The following MAP3K11 variants were observed in gnomAD, a reference collection of about 807,000 sequenced individuals.
MAP3K11 encodes SH3 domain-containing proline-rich kinase.
In MAP3K11, 46 loss-of-function variants were observed where a neutral mutation model predicts 84.9. That is an observed-to-expected ratio of 0.54 (90% confidence interval 0.43 to 0.69). MAP3K11 has a LOEUF of 0.69. MAP3K11 is among the 30% of genes least tolerant of loss of function. MAP3K11 has a pLI of 0.00. For missense variants in MAP3K11, 1,053 were observed against 1,198.3 expected, an observed-to-expected ratio of 0.88 and a Z score of 1.79; for synonymous variants, 527 against 514.7, an observed-to-expected ratio of 1.02 and a Z score of -0.32.
Position 65,599,673 on chromosome 11 carries a change from G to A in MAP3K11, c.1927C>T (p.Arg643Trp), listed in dbSNP as rs771511538. ...AGGGCGGTGCCGCGCAGCAGCGCCC[G>A]CTGGATCAGCTTGGGCGTCCCAGAG... ...SSSGTPKLIQ[R>W]ALLRGTALLA... Residue 643 changes from arginine (R) to tryptophan (W), a missense_variant, in exon 9 of 10, where the codon CGG (arginine) becomes TGG (tryptophan). Coordinates refer to ENST00000309100, the MANE Select transcript of MAP3K11 (RefSeq NM_002419.4). 3.9e-6 allele frequency: 6 copies of A among 1,555,164 alleles called. No individual in the cohort carries two copies. The highest frequency in any genetic ancestry group is 2.4e-5 in the East Asian group (1 of 42,202).
Position 65,598,638 on chromosome 11 carries a change from T to C in MAP3K11, c.2207-10A>G. Reference sequence around the variant, plus strand: ...GGTGAGACAGTGCCTCCTGTGAGGATATAGGAGGGGCACAGGGTCAAGCAA... The same window carrying C: ...GGTGAGACAGTGCCTCCTGTGAGGACATAGGAGGGGCACAGGGTCAAGCAA... On this transcript the variant is annotated splice_polypyrimidine_tract_variant and intron_variant, in intron 9 of 9. Coordinates refer to ENST00000309100, the MANE Select transcript of MAP3K11 (RefSeq NM_002419.4). 1 of 1,478,884 alleles carries C rather than the reference T, an allele frequency of 6.8e-7. No homozygotes were observed. Among genetic ancestry groups the C allele is most frequent in the Non-Finnish European group, 9.0e-7 (1 of 1,106,482 alleles). The allele number at this position is 1,478,884 out of a possible 1,614,324, so 91.6% of individuals were successfully genotyped here. A position where few individuals can be genotyped will look rare whatever the true frequency, so the allele number is the denominator to read the frequency against.
intron 6 of MAP3K11, 162 bp from the exon 7 acceptor site, chr11:65,606,243 A>C (rs1854506466): frequency 1.4e-6 from 1 of 721,404 alleles, no homozygotes; most frequent in Admixed American, 3.8e-5. Context: ...CTTGGGGCCA[A>C]CAGTGGGGTG....
chr11:65,608,619 C>CTTT, intron 1 of MAP3K11, 171 bp from the exon 2 acceptor site: 11 of 499,098 alleles, frequency 2.2e-5, no homozygotes, highest in South Asian at 5.2e-5. Flanking sequence ...TTTTCTTTTC[C>CTTT]TTTTTTTTTT....
At position 65,608,004 on chromosome 11, in the gene MAP3K11, A is replaced by G. The variant is rs1294375197; in HGVS notation, c.987T>C (p.Ala329=). The G allele has an allele frequency of 1.9e-6, 3 of 1,614,102 alleles. No homozygotes were observed. The African/African-American group carries it at 4.0e-5, about 22-fold the overall frequency. The stretch of plus-strand genomic sequence containing the variant: ...TGTTAACAGCTACGCCATAGGCCAC[A>G]GCAAGGCAGTCAATGCCACGGTATG... ...EVPYRGIDCL[A]VAYGVAVNKL... Residue 329 remains alanine, a synonymous_variant, in exon 3 of 10, where the codon GCT becomes GCC. Coordinates refer to ENST00000309100, the MANE Select transcript of MAP3K11 (RefSeq NM_002419.4).
intron 2 of MAP3K11, 73 bp downstream of exon 2, chr11:65,608,195 C>A (rs530869395): frequency 1.9e-6 from 3 of 1,590,810 alleles, no homozygotes; most frequent in African/African-American, 1.3e-5. Flanking sequence ...CTTGGCCCAG[C>A]CCTAGATTTA....
rs773986232 is a variant in MAP3K11, at chr11:65,599,608, C to G, written c.1992G>C (p.Pro664=). ...CCCCGCGCTCGCGTCCTGGGCCTCC[C>G]GGCGGCTGCAGGTCGCGGCCAAGGC... ...SLGLGRDLQP[P]GGPGRERGES... is the part of the protein sequence containing the mutation. The change falls in exon 9 of 10, where the codon CCG becomes CCC. Residue 664 remains proline (P), a synonymous_variant. Transcript: ENST00000309100. 3 of 1,540,884 alleles carry G rather than the reference C, an allele frequency of 1.9e-6. No individual in the cohort carries two copies. The highest frequency in any genetic ancestry group is 2.6e-6 in the Non-Finnish European group (3 of 1,149,876).
At chr11:65,609,621 C>G (rs1854549765) in intron 1 of MAP3K11, 1 of 152,282 alleles carries the variant, frequency 6.6e-6, no homozygotes, top group Non-Finnish European at 1.5e-5. Context: ...AAGGGCCCCT[C>G]TACTTTTCAG....
intron 7 of MAP3K11, 25 bp downstream of exon 7, chr11:65,605,921 G>T: frequency 3.7e-6 from 6 of 1,608,304 alleles, no homozygotes; most frequent in Non-Finnish European, 4.2e-6. Flanking sequence ...ATGATGCTGG[G>T]TCTGGGGGGC....
At chr11:65,601,755 CAA>C (rs34686164) in intron 8 of MAP3K11, among the ~76,000 whole-genome samples, 63 of 125,948 alleles carry the variant, frequency 5.0e-4, no homozygotes, top group Non-Finnish European at 4.7e-4. Flanking sequence ...GACTCCGTCT[CAA>C]AAAAAAAAAA....
chr11:65,599,826 C>T, intron 8 of MAP3K11, 58 bp from the exon 9 acceptor site: 1 of 1,553,422 alleles, frequency 6.4e-7, no homozygotes, highest in South Asian at 1.2e-5. Context: ...GGGTGAGGGC[C>T]CAAGACCTCT....
rs1414279691 is a variant in MAP3K11 at position 65,605,843 on chromosome 11, G to A, written c.1749C>T (p.Ser583=). 1 of 1,613,264 alleles carries A rather than the reference G, an allele frequency of 6.2e-7. No homozygotes were observed. The highest frequency in any genetic ancestry group is 1.7e-5 in the Admixed American group (1 of 59,890). ...PGEAQNGRRR[S]RMDEATWYLD... The stretch of plus-strand genomic sequence containing the variant: ...GGTACCATGTGGCTTCGTCCATGCG[G>A]GACCTTCTCCTGGTGATGGGAGGGC... Residue 583 remains serine (S), a synonymous_variant, in exon 8 of 10, where the codon TCC becomes TCT. Coordinates refer to ENST00000309100, the MANE Select transcript of MAP3K11 (RefSeq NM_002419.4).
At chr11:65,598,748 T>C (rs1854414857) in intron 9 of MAP3K11, 120 bp from the exon 10 acceptor site, 1 of 662,730 alleles carries the variant, frequency 1.5e-6, no homozygotes, top group South Asian at 3.1e-5. Context: ...TGACTCAACT[T>C]CCACCGCCCT....
In MAP3K11 at chr11:65,599,448, T is replaced by C. The variant is rs1415287978; in HGVS notation, c.2152A>G (p.Ile718Val). Residue 718 changes from isoleucine (I) to valine (V), a missense_variant, in exon 9 of 10, where the codon ATC (isoleucine) becomes GTC (valine). Physicochemically the swap from Ile to Val is conservative, Grantham distance 29. Coordinates refer to ENST00000309100, the MANE Select transcript of MAP3K11 (RefSeq NM_002419.4). Reference sequence around the variant, plus strand: ...TTGGCTGACCGCTGGCCCACAGGGATACCCAGGTCCAGCAACAGGGGTGCA... The same window carrying C: ...TTGGCTGACCGCTGGCCCACAGGGACACCCAGGTCCAGCAACAGGGGTGCA... ...TPAPLLLDLGIPVGQRSAKSP... is the reference protein window; with the variant it reads ...TPAPLLLDLGVPVGQRSAKSP... 6.6e-7 allele frequency: 1 copy of C among 1,520,274 alleles called. No homozygotes were observed. Among genetic ancestry groups the C allele is most frequent in the Admixed American group, 2.7e-5 (1 of 37,016 alleles). 94.2% of individuals were successfully genotyped at this position (1,520,274 alleles called of 1,614,324 possible).
chr11:65,607,200 G>A, intron 5 of MAP3K11, 70 bp downstream of exon 5: 1 of 1,407,952 alleles, frequency 7.1e-7, no homozygotes. Context: ...AGCGCGGTGA[G>A]CACACAGGCC....
intron 9 of MAP3K11, 136 bp downstream of exon 9, chr11:65,599,258 C>T (rs1854421095): frequency 9.0e-7 from 1 of 1,114,484 alleles, no homozygotes; most frequent in Non-Finnish European, 1.2e-6. Context: ...CTTCAGTACC[C>T]CGAATGCCTG....
chr11:65,604,733 G>GC (rs1398247080), intron 8 of MAP3K11, among the ~76,000 whole-genome samples: 5,508 of 152,196 alleles, frequency 0.036, 329 homozygotes, highest in African/African-American at 0.12. Flanking sequence ...GGGCTGGGTG[G>GC]GATGGGAGGA....
intron 8 of MAP3K11, 38 bp from the exon 9 acceptor site, chr11:65,599,806 T>C (rs766095232): frequency 2.6e-6 from 4 of 1,559,206 alleles, no homozygotes; most frequent in African/African-American, 1.4e-5. Flanking sequence ...GTGTGGCTGG[T>C]GCATATTCCG....
At chr11:65,608,164 GT>G in intron 2 of MAP3K11, 94 bp from the exon 3 acceptor site, 1 of 1,593,872 alleles carries the variant, frequency 6.3e-7, no homozygotes, top group Non-Finnish European at 8.6e-7. Context: ...GAGCCAAGTG[GT>G]TTGGGTCCCT....
intron 2 of MAP3K11, 56 bp from the exon 3 acceptor site, chr11:65,608,126 T>C: frequency 6.2e-7 from 1 of 1,601,364 alleles, no homozygotes; most frequent in Non-Finnish European, 8.5e-7. Context: ...CCCACCCCCT[T>C]ACTGCCACTT....
Sources: allele counts gnomAD v4.1 joint callset (sites outside exome capture counted in the v4.1 genomes callset), GRCh38; gene constraint gnomAD v4.1.1; transcripts MANE v1.5; gene names NCBI Gene and HGNC (gene_info 2026-07-23, HGNC 2026-07-21).